SUPT7L: variants seen among roughly 807,000 people sequenced by gnomAD.
SUPT7L encodes STAGA complex 65 subunit gamma.
In SUPT7L, 15 loss-of-function variants were observed where a neutral mutation model predicts 35.7. The ratio of observed to expected loss-of-function variants is 0.42; its 90% CI spans 0.28 to 0.65. The LOEUF (loss-of-function observed/expected upper bound fraction) is 0.65, where lower values mean the gene tolerates loss of function less well. SUPT7L is among the 30% of genes least tolerant of loss of function. SUPT7L has a pLI of 0.23. For synonymous variants in SUPT7L, 168 were observed against 186.2 expected (o/e 0.90, Z 0.79); for missense variants, 434 against 522.2 (o/e 0.83, Z 1.65).
At chr2:27,643,021 AAAT>A in the SUPT7L span, among the ~76,000 whole-genome samples, 2 of 151,184 alleles carry the variant, frequency 1.3e-5, no homozygotes, top group Admixed American at 6.6e-5. This position sits in a 1 kb window ranked among gnomAD's most constrained non-coding sequence, Gnocchi z 4.0. Flanking sequence ...ATATATTAAA[AAAT>A]AAAGGATTTG....
rs143742331 is a variant in SUPT7L, at chr2:27,652,675, G to A, written c.*810C>T. ...TGGACTGCTGTCCTCTGATGACCAA[G>A]CAAATGCAACAAATGAAATATGCAC... On this transcript the variant is annotated 3_prime_UTR_variant, in exon 6 of 6. Transcript: ENST00000337768. 3.9e-5 allele frequency: 6 copies of A among 152,932 alleles called. No individual in the cohort carries two copies. In the East Asian group the frequency reaches 1.1e-3, roughly 29 times the overall value. 9.5% of individuals were successfully genotyped at this position (152,932 alleles called of 1,614,324 possible).
At chr2:27,647,993 C>T (rs757431269), downstream of SUPT7L, 1 of 1,007,458 alleles carries the variant, frequency 9.9e-7, no homozygotes, top group Non-Finnish European at 1.6e-6. Flanking sequence ...TGCTTATCCT[C>T]ACATTGTTTG....
chr2:27,657,295 T>A lies in SUPT7L; in HGVS notation c.744+50A>T. The A allele has an allele frequency of 6.3e-7, 1 of 1,580,574 alleles. No homozygotes were observed. Among genetic ancestry groups the A allele is most frequent in the Non-Finnish European group, 8.6e-7 (1 of 1,160,136 alleles). On this transcript the variant is annotated intron_variant, in intron 4 of 5. Transcript: ENST00000337768. This position sits in a 1 kb window ranked among gnomAD's most constrained non-coding sequence, Gnocchi z 5.2. ...AGTGTTGTGGGATCCTGCTGAACAC[T>A]CCGAGATTGCACAGACATCTGTGCC...
chr2:27,644,901 C>T, the SUPT7L span, among the ~76,000 whole-genome samples: 2 of 151,988 alleles, frequency 1.3e-5, no homozygotes, highest in African/African-American at 4.8e-5. Context: ...CCTCAGACCT[C>T]ATCTCTAAAT....
chr2:27,659,704 T>G (rs1320022979), intron 3 of SUPT7L, among the ~76,000 whole-genome samples: 1 of 152,198 alleles, frequency 6.6e-6, no homozygotes, highest in Non-Finnish European at 1.5e-5. Flanking sequence ...AGGATATGCA[T>G]GCTGAGGAAT....
intron 5 of SUPT7L, among the ~76,000 whole-genome samples, chr2:27,654,791 C>A (rs1382363364): frequency 1.3e-5 from 2 of 152,176 alleles, no homozygotes; most frequent in African/African-American, 4.8e-5. Flanking sequence ...TGTTCTCGAT[C>A]TCCTGACCTC....
At chr2:27,655,913 G>A (rs933430255) in intron 4 of SUPT7L, among the ~76,000 whole-genome samples, 2 of 152,076 alleles carry the variant, frequency 1.3e-5, no homozygotes, top group East Asian at 1.9e-4. Flanking sequence ...GGCTGGGCAC[G>A]GTCATTCACA....
intron 3 of SUPT7L, among the ~76,000 whole-genome samples, chr2:27,660,196 G>A (rs188885931): frequency 6.6e-5 from 10 of 152,058 alleles, no homozygotes; most frequent in African/African-American, 2.2e-4. Context: ...ACCAGATATT[G>A]AGTAGCAGGG....
rs905155927 is a variant in SUPT7L, at chr2:27,657,734, C to G, written c.420-65G>C. The G allele has an allele frequency of 6.9e-7, 1 of 1,453,450 alleles. No individual in the cohort carries two copies. Among genetic ancestry groups the G allele is most frequent in the East Asian group, 2.4e-5 (1 of 41,622 alleles). The allele number at this position is 1,453,450 out of a possible 1,614,324, so 90.0% of individuals were successfully genotyped here. A position where few individuals can be genotyped will look rare whatever the true frequency, so the allele number is the denominator to read the frequency against. Reference sequence around the variant, plus strand: ...AAAGGGGTGACCCCTCCTGTCTTCCCCAGGAGTTTTACAATTCCAGTCAAG... The same window carrying G: ...AAAGGGGTGACCCCTCCTGTCTTCCGCAGGAGTTTTACAATTCCAGTCAAG... On this transcript the variant is annotated intron_variant, in intron 3 of 5. Transcript: ENST00000337768. This position sits in a 1 kb window ranked among gnomAD's most constrained non-coding sequence, Gnocchi z 5.2.
chr2:27,653,349 G>T lies in SUPT7L; in HGVS notation c.*136C>A, dbSNP rs1435823121. 5.4e-6 allele frequency: 7 copies of T among 1,299,034 alleles called. No homozygotes were observed. The highest frequency in any genetic ancestry group is 7.3e-6 in the Non-Finnish European group (7 of 956,858). The allele number at this position is 1,299,034 out of a possible 1,614,324, so 80.5% of individuals were successfully genotyped here. A position where few individuals can be genotyped will look rare whatever the true frequency, so the allele number is the denominator to read the frequency against. ...ATGCAACCTTGTTTGGTGACGTCCAGTTCCTCTGGAATTAGGAAAAACCAC... is the reference window on the plus strand; with the variant it reads ...ATGCAACCTTGTTTGGTGACGTCCATTTCCTCTGGAATTAGGAAAAACCAC... On this transcript the variant is annotated 3_prime_UTR_variant, in exon 6 of 6. Transcript: ENST00000337768.
chr2:27,645,079 T>C, the SUPT7L span, among the ~76,000 whole-genome samples: 1 of 151,696 alleles, frequency 6.6e-6, no homozygotes, highest in Admixed American at 6.6e-5. Flanking sequence ...GCATTCCCCC[T>C]GTCTCAGCCT....
At chr2:27,644,977 AT>A in the SUPT7L span, among the ~76,000 whole-genome samples, 1 of 151,458 alleles carries the variant, frequency 6.6e-6, no homozygotes, top group Middle Eastern at 3.4e-3. Flanking sequence ...TTATTTATTT[AT>A]TTTTTTTGAG....
At chr2:27,661,425 G>A in intron 2 of SUPT7L, 37 bp from the exon 3 acceptor site, 3 of 1,610,382 alleles carry the variant, frequency 1.9e-6, no homozygotes, top group Non-Finnish European at 2.5e-6. Context: ...GAGGTCTCAG[G>A]ATAAATGTAG....
At chr2:27,650,204 A>C, downstream of SUPT7L, 1 of 1,508,530 alleles carries the variant, frequency 6.6e-7, no homozygotes, top group Non-Finnish European at 9.2e-7. Flanking sequence ...TAAATAGGAG[A>C]CTTTAGCACA....
At chr2:27,659,606 A>G (rs1674958855) in intron 3 of SUPT7L, among the ~76,000 whole-genome samples, 2 of 152,230 alleles carry the variant, frequency 1.3e-5, no homozygotes, top group African/African-American at 2.4e-5. Flanking sequence ...AATTGGAAGA[A>G]TGTGAATATG....
At chr2:27,654,296 G>C (rs1360076782) in intron 5 of SUPT7L, among the ~76,000 whole-genome samples, 2 of 152,190 alleles carry the variant, frequency 1.3e-5, no homozygotes, top group Non-Finnish European at 2.9e-5. Context: ...ATCTCTCTAT[G>C]TATTCTAGCA....
the SUPT7L span, among the ~76,000 whole-genome samples, chr2:27,645,349 G>A: frequency 5.1e-3 from 780 of 152,018 alleles, 8 homozygotes; most frequent in African/African-American, 0.018. Flanking sequence ...TTTTAATTAT[G>A]TAATTATGTT....
chr2:27,654,411 T>G (rs1483558136), intron 5 of SUPT7L, among the ~76,000 whole-genome samples: 1 of 152,238 alleles, frequency 6.6e-6, no homozygotes, highest in Non-Finnish European at 1.5e-5. Context: ...GATTTGCTAT[T>G]TGAGTCATTT....
At chr2:27,643,210 TAC>T in the SUPT7L span, among the ~76,000 whole-genome samples, 1 of 150,960 alleles carries the variant, frequency 6.6e-6, no homozygotes, top group African/African-American at 2.4e-5. The surrounding 1 kb of genome is among the most constrained non-coding windows in gnomAD (Gnocchi z 4.0). Context: ...TTTTTTTTTT[TAC>T]AGTTTGACCT....
Sources: gnomAD v4.1 joint callset for allele counts (sites outside exome capture counted in the v4.1 genomes callset) on GRCh38, gnomAD v4.1.1 for gene constraint, Gnocchi (gnomAD v3.1) non-coding constraint, MANE v1.5 for transcripts, NCBI Gene and HGNC (gene_info 2026-07-23, HGNC 2026-07-21) for gene names.